The following DDX10 variants were observed in gnomAD, a reference collection of about 807,000 sequenced individuals.
DDX10 encodes the protein probable ATP-dependent RNA helicase DDX10.
Under a neutral mutation model 104.3 loss-of-function variants are expected in DDX10, and 74 were observed. That is an observed-to-expected ratio of 0.71 (90% CI 0.59 to 0.86). DDX10 has a LOEUF of 0.86. Among genes scored for constraint, DDX10 ranks in the 40% least tolerant of loss-of-function variants. The pLI is 0.00. For missense variants in DDX10, 952 were observed against 1,040.0 expected (o/e 0.92, Z 1.16); for synonymous variants, 351 against 353.4 (o/e 0.99, Z 0.08).
intron 13 of DDX10, among the ~76,000 whole-genome samples, chr11:108,824,389 C>T (rs1423719012): frequency 6.6e-6 from 1 of 152,204 alleles, no homozygotes; most frequent in African/African-American, 2.4e-5. Flanking sequence ...ATCAGTTTCC[C>T]TTAACCCTGT....
chr11:108,668,380 T>C (rs1347629140), intron 1 of DDX10, among the ~76,000 whole-genome samples: 1 of 148,592 alleles, frequency 6.7e-6, no homozygotes, highest in Non-Finnish European at 1.5e-5. Flanking sequence ...AAGGAGCAGC[T>C]TTTTCCCCCG....
chr11:108,905,064 C>G (rs752158007), intron 16 of DDX10, among the ~76,000 whole-genome samples: 2 of 152,054 alleles, frequency 1.3e-5, no homozygotes, highest in African/African-American at 2.4e-5. Context: ...GCGGGCTGCC[C>G]GTGGACTCTT....
At chr11:108,704,362 T>A (rs554141618) in intron 9 of DDX10, among the ~76,000 whole-genome samples, 1 of 152,240 alleles carries the variant, frequency 6.6e-6, no homozygotes, top group Non-Finnish European at 1.5e-5. Flanking sequence ...CACTGTTCTC[T>A]GTCCTTATGG....
intron 13 of DDX10, among the ~76,000 whole-genome samples, chr11:108,749,070 T>TTCTC (rs146782260): frequency 1.5e-4 from 22 of 150,838 alleles, no homozygotes; most frequent in African/African-American, 4.4e-4. Context: ...CTCTCTCTCT[T>TTCTC]TCTCTCTCTC....
At chr11:108,884,288 C>T (rs1294027822) in intron 16 of DDX10, among the ~76,000 whole-genome samples, 1 of 152,140 alleles carries the variant, frequency 6.6e-6, no homozygotes, top group African/African-American at 2.4e-5. Context: ...GTTGATTAGG[C>T]ACAAACCTTC....
At chr11:108,709,063 T>A (rs1274564012) in intron 10 of DDX10, among the ~76,000 whole-genome samples, 8 of 152,220 alleles carry the variant, frequency 5.3e-5, no homozygotes, top group Admixed American at 5.2e-4. Context: ...TCTTTCCCAA[T>A]CGGTATGCCT....
At chr11:108,838,341 G>A in intron 13 of DDX10, 105 bp from the exon 14 acceptor site, 3 of 1,216,762 alleles carry the variant, frequency 2.5e-6, no homozygotes, top group Non-Finnish European at 3.4e-6. Flanking sequence ...TAGCCAATGA[G>A]TAATAAATGT....
At chr11:108,816,277 C>CAT (rs551417256) in intron 13 of DDX10, among the ~76,000 whole-genome samples, 109 of 152,308 alleles carry the variant, frequency 7.2e-4, no homozygotes, top group African/African-American at 2.5e-3. Flanking sequence ...CTTTAAAACT[C>CAT]ATATGCTAAT....
chr11:108,806,719 T>C (rs1262907499), intron 13 of DDX10, among the ~76,000 whole-genome samples: 2 of 152,034 alleles, frequency 1.3e-5, no homozygotes, highest in Non-Finnish European at 2.9e-5. Flanking sequence ...GCCTGAAGAC[T>C]GGGAAGGAAC....
chr11:108,876,965 G>A (rs1863161496), intron 16 of DDX10, among the ~76,000 whole-genome samples: 1 of 152,122 alleles, frequency 6.6e-6, no homozygotes, highest in Non-Finnish European at 1.5e-5. Context: ...TGGTTTGATA[G>A]TGGTTAGTCC....
At chr11:108,724,901 G>T (rs940804121) in intron 13 of DDX10, among the ~76,000 whole-genome samples, 3 of 151,974 alleles carry the variant, frequency 2.0e-5, no homozygotes, top group African/African-American at 7.2e-5. Context: ...AATATATACA[G>T]TTTGAGTTTT....
chr11:108,855,574 C>T (rs1487351971), intron 16 of DDX10, among the ~76,000 whole-genome samples: 2 of 152,158 alleles, frequency 1.3e-5, no homozygotes, highest in Non-Finnish European at 2.9e-5. Context: ...ATTCTCCTGC[C>T]TCAGCCTCCC....
intron 13 of DDX10, among the ~76,000 whole-genome samples, chr11:108,811,441 C>A (rs1035506949): frequency 1.3e-5 from 2 of 152,150 alleles, no homozygotes; most frequent in Admixed American, 6.5e-5. Context: ...CTTCATGATA[C>A]CTCCTCTCTG....
chr11:108,861,140 G>A (rs984383751), intron 16 of DDX10, among the ~76,000 whole-genome samples: 1 of 151,112 alleles, frequency 6.6e-6, no homozygotes, highest in African/African-American at 2.4e-5. Flanking sequence ...TCAGCTGCCA[G>A]CGAATATAAA....
intron 13 of DDX10, among the ~76,000 whole-genome samples, chr11:108,827,627 G>A (rs191012438): frequency 2.3e-4 from 34 of 150,480 alleles, no homozygotes; most frequent in South Asian, 1.0e-3. Context: ...ATTTATAAGC[G>A]TTGTTTCCTA....
chr11:108,929,747 G>C (rs1863952860), intron 17 of DDX10: 1 of 152,102 alleles, frequency 6.6e-6, no homozygotes, highest in Non-Finnish European at 1.5e-5. Flanking sequence ...GTAGTTCTTT[G>C]GGGATAAAAA....
intron 13 of DDX10, among the ~76,000 whole-genome samples, chr11:108,774,342 T>A (rs921974529): frequency 6.6e-6 from 1 of 152,244 alleles, no homozygotes; most frequent in Non-Finnish European, 1.5e-5. Context: ...TTTACCATTG[T>A]TCGTCCTTTT....
At chr11:108,797,997 A>G (rs932991482) in intron 13 of DDX10, among the ~76,000 whole-genome samples, 2 of 152,182 alleles carry the variant, frequency 1.3e-5, no homozygotes, top group Non-Finnish European at 2.9e-5. Context: ...TTCGAACTCA[A>G]ACTTTTAATT....
At chr11:108,784,993 A>G (rs576157455) in intron 13 of DDX10, among the ~76,000 whole-genome samples, 100 of 152,146 alleles carry the variant, frequency 6.6e-4, no homozygotes, top group African/African-American at 2.3e-3. Flanking sequence ...TGAAAATCTG[A>G]TGGTTGTAGG....
Sources: gnomAD v4.1 joint callset for allele counts (sites outside exome capture counted in the v4.1 genomes callset) on GRCh38, gnomAD v4.1.1 for gene constraint, MANE v1.5 for transcripts, NCBI Gene and HGNC (gene_info 2026-07-23, HGNC 2026-07-21) for gene names.